Variants in PCDHGB2 observed in about 807,000 individuals in gnomAD.
The protein encoded by PCDHGB2 is protocadherin gamma-B2.
In PCDHGB2, 55 loss-of-function variants were observed where a neutral mutation model predicts 59.3. The observed-to-expected ratio is 0.93, with a 90% CI of 0.75 to 1.16. The LOEUF (loss-of-function observed/expected upper bound fraction) is 1.16, where lower values mean the gene tolerates loss of function less well. Ranked by LOEUF, PCDHGB2 falls within the 50% of genes most tolerant of loss-of-function variation. PCDHGB2 has a pLI of 0.00. For missense variants in PCDHGB2, 1,228 were observed against 1,198.5 expected (o/e 1.02, Z -0.36); for synonymous variants, 516 against 512.0 (o/e 1.01, Z -0.11).
Position 141,430,721 on chromosome 5 carries a change from T to C in PCDHGB2, c.2422-64086T>C, listed in dbSNP as rs2097305223. The C allele has an allele frequency of 3.4e-6, 5 of 1,489,270 alleles. No homozygotes were observed. The South Asian group carries it at 7.3e-5, about 22-fold the overall frequency. 92.3% of individuals were successfully genotyped at this position (1,489,270 alleles called of 1,614,324 possible). A position where few individuals can be genotyped will look rare whatever the true frequency, so the allele number is the denominator to read the frequency against. On this transcript the variant is annotated intron_variant, in intron 1 of 3. Coordinates refer to ENST00000522605, the MANE Select transcript of PCDHGB2 (RefSeq NM_018923.3). ...AGGAACTGCTCCTGACTTCAGTGGT[T>C]AAGGGCAGAATTGAAAATAATTCTG...
At chr5:141,428,163 C>T (rs759273230) in intron 1 of PCDHGB2, 77 of 1,564,636 alleles carry the variant, frequency 4.9e-5, no homozygotes, top group Non-Finnish European at 6.3e-5. Flanking sequence ...CTGCTGGTTG[C>T]TGTGCGTGAC....
rs1391017504 is a variant in PCDHGB2 at position 141,490,732 on chromosome 5, G to GTTCAGGGAGCCCCAGCCTCCTCCT, written c.2422-4072_2422-4049dup. 6.2e-7 allele frequency: 1 copy of GTTCAGGGAGCCCCAGCCTCCTCCT among 1,614,070 alleles called. No individual in the cohort carries two copies. Among genetic ancestry groups the GTTCAGGGAGCCCCAGCCTCCTCCT allele is most frequent in the Non-Finnish European group, 8.5e-7 (1 of 1,180,050 alleles). On this transcript the variant is annotated intron_variant, in intron 1 of 3. Coordinates refer to ENST00000522605, the MANE Select transcript of PCDHGB2 (RefSeq NM_018923.3). This position sits in a 1 kb window ranked among gnomAD's most constrained non-coding sequence, Gnocchi z 5.4. ...CACCTACTCCATTGTAGGAAATCAG[G>GTTCAGGGAGCCCCAGCCTCCTCCT]TTCAGGGAGCCCCAGCCTCCTCCTT...
intron 1 of PCDHGB2, chr5:141,413,388 C>G (rs765673305): frequency 6.2e-7 from 1 of 1,613,894 alleles, no homozygotes; most frequent in African/African-American, 1.3e-5. Context: ...TCCGCATAGT[C>G]TCCAGAGGTA....
At position 141,399,956 on chromosome 5, in the gene PCDHGB2, C is replaced by T. The variant is rs760477759; in HGVS notation, c.2421+37400C>T. On this transcript the variant is annotated intron_variant, in intron 1 of 3. Coordinates refer to ENST00000522605, the MANE Select transcript of PCDHGB2 (RefSeq NM_018923.3). ...TACCACGTGCTGCAGGCTAGCGAGC[C>T]CGGGCTCTTCAGCCTGGGGCTGCGC... is the stretch of plus-strand genomic sequence containing the variant. 106 of 1,612,048 alleles carry T rather than the reference C, an allele frequency of 6.6e-5. No homozygotes were observed. Among genetic ancestry groups the T allele is most frequent in the Middle Eastern group, 1.9e-4 (1 of 5,240 alleles).
At chr5:141,421,966 G>A in intron 1 of PCDHGB2, 1 of 1,610,918 alleles carries the variant, frequency 6.2e-7, no homozygotes, top group Non-Finnish European at 8.5e-7. Flanking sequence ...TACACAGTCC[G>A]TATATCGCGT....
chr5:141,413,984 C>T (rs898207454), intron 1 of PCDHGB2: 2 of 1,613,300 alleles, frequency 1.2e-6, no homozygotes, highest in African/African-American at 2.7e-5. Flanking sequence ...ACAGTCACAG[C>T]CACCGACAGG....
intron 2 of PCDHGB2, 84 bp downstream of exon 2, chr5:141,494,949 C>A (rs1193148622): frequency 6.2e-7 from 1 of 1,606,850 alleles, no homozygotes; most frequent in Non-Finnish European, 8.5e-7. Context: ...GAGGGCCCAG[C>A]ATTTGCTACA....
chr5:141,371,780 T>C, intron 1 of PCDHGB2: 6 of 1,613,990 alleles, frequency 3.7e-6, no homozygotes, highest in Non-Finnish European at 5.1e-6. Context: ...TGCATGTAGC[T>C]GAGAACAATC....
At chr5:141,478,051 G>A (rs751371411) in intron 1 of PCDHGB2, 2 of 1,614,088 alleles carry the variant, frequency 1.2e-6, no homozygotes, top group East Asian at 2.2e-5. Context: ...AGACTCTCAC[G>A]GTCTTGATCA....
intron 1 of PCDHGB2, chr5:141,408,109 C>T (rs1011504923): frequency 3.5e-6 from 5 of 1,445,662 alleles, no homozygotes; most frequent in Non-Finnish European, 4.6e-6. Flanking sequence ...AGACCCGGGA[C>T]TCCTCCTGTC....
rs1561523775 is a variant in PCDHGB2, at chr5:141,361,481, C to T, written c.1346C>T (p.Ala449Val). The change falls in exon 1 of 4, where the codon GCC becomes GTC. Residue 449 changes from alanine to valine, a missense_variant. Coordinates refer to ENST00000522605, the MANE Select transcript of PCDHGB2 (RefSeq NM_018923.3). Reference sequence around the variant, plus strand: ...CACATCTCCGACGTCAACGATAATGCCCCAGTTTTCCAACAGACTTCCTAC... The same window carrying T: ...CACATCTCCGACGTCAACGATAATGTCCCAGTTTTCCAACAGACTTCCTAC... Reference protein sequence around the residue: ...TLHISDVNDNAPVFQQTSYMV... With the variant: ...TLHISDVNDNVPVFQQTSYMV... 1 of 1,614,042 alleles carries T rather than the reference C, an allele frequency of 6.2e-7. No individual in the cohort carries two copies. The highest frequency in any genetic ancestry group is 8.5e-7 in the Non-Finnish European group (1 of 1,179,900).
rs369106233 is a variant in PCDHGB2 at position 141,370,518 on chromosome 5, G to A, written c.2421+7962G>A. 13 of 1,613,886 alleles carry A rather than the reference G, an allele frequency of 8.1e-6. No homozygotes were observed. The African/African-American group carries it at 1.7e-4, about 22-fold the overall frequency. Reference sequence around the variant, plus strand: ...CCGCTACGCTATTCCCGAGGAGCTGGACAGGGGCTCGCTGGTAGGGAACCT... The same window carrying A: ...CCGCTACGCTATTCCCGAGGAGCTGAACAGGGGCTCGCTGGTAGGGAACCT... On this transcript the variant is annotated intron_variant, in intron 1 of 3. Transcript: ENST00000522605.
At chr5:141,377,890 C>G (rs1204585448) in intron 1 of PCDHGB2, 1 of 152,090 alleles carries the variant, frequency 6.6e-6, no homozygotes, top group Non-Finnish European at 1.5e-5. Context: ...GATAGGATCC[C>G]CCTCTGTTGC....
chr5:141,384,510 C>T (rs1038523588), intron 1 of PCDHGB2: 16 of 1,614,028 alleles, frequency 9.9e-6, no homozygotes, highest in African/African-American at 2.7e-5. Flanking sequence ...CACATGACAG[C>T]GGGGACCCGC....
intron 1 of PCDHGB2, chr5:141,403,981 T>C (rs374013287): frequency 1.4e-5 from 23 of 1,613,600 alleles, no homozygotes; most frequent in Admixed American, 1.2e-4. Flanking sequence ...TAAATGACAA[T>C]AGACCTGAAG....
At chr5:141,390,025 G>A (rs762363185) in intron 1 of PCDHGB2, 2 of 1,613,882 alleles carry the variant, frequency 1.2e-6, no homozygotes, top group African/African-American at 1.3e-5. Flanking sequence ...TTGCGCCTGC[G>A]ACGCTCCTCC....
chr5:141,365,520 C>G (rs749868232), intron 1 of PCDHGB2: 1 of 1,613,828 alleles, frequency 6.2e-7, no homozygotes, highest in East Asian at 2.2e-5. Context: ...TTGGAGAAGT[C>G]AGTTGATAAT....
At chr5:141,444,813 T>A (rs1382814369) in intron 1 of PCDHGB2, among the ~76,000 whole-genome samples, 3 of 152,228 alleles carry the variant, frequency 2.0e-5, no homozygotes, top group African/African-American at 4.8e-5. Flanking sequence ...AATAGCACAC[T>A]GTCTCAATTA....
Position 141,477,858 on chromosome 5 carries a change from C to T in PCDHGB2, c.2422-16949C>T. 2 of 1,613,572 alleles carry T rather than the reference C, an allele frequency of 1.2e-6. No individual in the cohort carries two copies. Among genetic ancestry groups the T allele is most frequent in the Non-Finnish European group, 1.7e-6 (2 of 1,179,842 alleles). ...GGTGGGAGCTCGGTGGAGATGCTGC[C>T]TCGAGGTACCTCAGCTGGCCACCTA... On this transcript the variant is annotated intron_variant, in intron 1 of 3. Transcript: ENST00000522605. This position sits in a 1 kb window ranked among gnomAD's most constrained non-coding sequence, Gnocchi z 4.9.
Sources: allele counts gnomAD v4.1 joint callset (sites outside exome capture counted in the v4.1 genomes callset), GRCh38; gene constraint gnomAD v4.1.1; non-coding constraint Gnocchi (gnomAD v3.1); transcripts MANE v1.5; gene names NCBI Gene and HGNC (gene_info 2026-07-23, HGNC 2026-07-21).